The following PPARD variants were observed in gnomAD, a reference collection of about 807,000 sequenced individuals.
PPARD encodes the protein peroxisome proliferator activated receptor delta.
Under a neutral mutation model 39.5 loss-of-function variants are expected in PPARD, and 6 were observed. The ratio of observed to expected loss-of-function variants is 0.15; its 90% CI spans 0.08 to 0.30. PPARD has a LOEUF of 0.30. Among genes scored for constraint, PPARD ranks in the 10% least tolerant of loss-of-function variants. The probability of loss-of-function intolerance (pLI) is 1.00; values close to 1 mark genes in which losing one functional copy is unlikely to be tolerated. For synonymous variants in PPARD, 210 were observed against 231.3 expected (o/e 0.91, Z 0.83); for missense variants, 397 against 596.8 (o/e 0.67, Z 3.49).
At chr6:35,411,335 C>A in intron 3 of PPARD, 118 bp downstream of exon 3, 1 of 1,255,456 alleles carries the variant, frequency 8.0e-7, no homozygotes, top group Non-Finnish European at 1.0e-6. Flanking sequence ...TGCTGAAGGA[C>A]TGGAGCCGGA....
At chr6:35,394,889 A>G (rs1764226217) in intron 2 of PPARD, among the ~76,000 whole-genome samples, 1 of 151,988 alleles carries the variant, frequency 6.6e-6, no homozygotes, top group Non-Finnish European at 1.5e-5. Context: ...TTGCTCCCTC[A>G]TCTCAGCATT....
At position 35,369,827 on chromosome 6, in the gene PPARD, G is replaced by A. The variant is rs567514638; in HGVS notation, c.-102+22677G>A. Among the ~76,000 whole-genome samples the A allele has an allele frequency of 4.6e-5, 7 of 152,238 alleles. No individual in the cohort carries two copies. The East Asian group carries it at 1.4e-3, about 29-fold the overall frequency. On this transcript the variant is annotated intron_variant, in intron 2 of 7. Coordinates refer to ENST00000360694, the MANE Select transcript of PPARD (RefSeq NM_006238.5). ...TATTTTGTTGATTTATTGGTTAATT[G>A]TCCGAATCTGTGACTAGAACAAAAG...
chr6:35,407,799 TA>T (rs201207213), intron 2 of PPARD, among the ~76,000 whole-genome samples: 10,431 of 143,394 alleles, frequency 0.073, 704 homozygotes, highest in African/African-American at 0.17. Flanking sequence ...TTCACACAAT[TA>T]AAAAAAAAAA....
intron 2 of PPARD, among the ~76,000 whole-genome samples, chr6:35,347,520 A>G (rs999775619): frequency 7.9e-5 from 12 of 152,112 alleles, no homozygotes; most frequent in Non-Finnish European, 5.9e-5. Context: ...GTCTTTGCCT[A>G]TATGGGTACC....
chr6:35,377,373 G>A (rs542798287), intron 2 of PPARD, among the ~76,000 whole-genome samples: 6 of 152,184 alleles, frequency 3.9e-5, no homozygotes, highest in South Asian at 4.1e-4. Context: ...ATTTAGTCCC[G>A]TATCCTACTG....
At chr6:35,422,660 T>C (rs1390675435) in intron 5 of PPARD, among the ~76,000 whole-genome samples, 1 of 152,136 alleles carries the variant, frequency 6.6e-6, no homozygotes, top group Non-Finnish European at 1.5e-5. Flanking sequence ...GCCTTGCATC[T>C]TAGAGGGTAG....
chr6:35,397,521 C>T (rs1764418509), intron 2 of PPARD: 7 of 985,184 alleles, frequency 7.1e-6, no homozygotes, highest in Non-Finnish European at 7.2e-6. Context: ...CTGGAGTGGT[C>T]TGGAAAGCAG....
chr6:35,373,740 TCA>T (rs1370956754), intron 2 of PPARD, among the ~76,000 whole-genome samples: 1 of 151,880 alleles, frequency 6.6e-6, no homozygotes, highest in African/African-American at 2.4e-5. Context: ...CAATCTCAGC[TCA>T]CAGCAGCCCT....
rs564845420 is a variant in PPARD, at chr6:35,352,420, ATGATCT to A, written c.-102+5271_-102+5276del. On this transcript the variant is annotated intron_variant, in intron 2 of 7. Coordinates refer to ENST00000360694, the MANE Select transcript of PPARD (RefSeq NM_006238.5). ...AGGCCGGTCTCGAACTCCTGACCTC[ATGATCT>A]GCCCACCTCAGCCTCCCAGAGTGCT... Among the ~76,000 whole-genome samples the A allele has an allele frequency of 6.7e-4, 102 of 151,632 alleles. 1 individual carries two copies. Among genetic ancestry groups the A allele is most frequent in the Admixed American group, 4.9e-3 (75 of 15,226 alleles).
intron 2 of PPARD, among the ~76,000 whole-genome samples, chr6:35,408,753 A>G (rs1369731463): frequency 6.6e-6 from 1 of 152,200 alleles, no homozygotes; most frequent in African/African-American, 2.4e-5. Context: ...AAAATTTTTA[A>G]AGGTTTTTTC....
At chr6:35,423,808 C>T in intron 5 of PPARD, 138 bp from the exon 6 acceptor site, 1 of 731,602 alleles carries the variant, frequency 1.4e-6, no homozygotes, top group South Asian at 1.9e-5. Flanking sequence ...CCCCATCATT[C>T]CTACCTTGCT....
intron 2 of PPARD, among the ~76,000 whole-genome samples, chr6:35,378,582 G>A (rs1762951874): frequency 6.6e-6 from 1 of 152,156 alleles, no homozygotes; most frequent in South Asian, 2.1e-4. Context: ...TGAGTGCCAG[G>A]TGGAGGAATA....
At chr6:35,352,303 C>T (rs1208874191) in intron 2 of PPARD, among the ~76,000 whole-genome samples, 1 of 152,168 alleles carries the variant, frequency 6.6e-6, no homozygotes, top group Non-Finnish European at 1.5e-5. Context: ...TCTGCCTCAG[C>T]CTCCCAAGTA....
intron 2 of PPARD, 30 bp from the exon 3 acceptor site, chr6:35,410,957 T>C: frequency 7.9e-7 from 1 of 1,263,006 alleles, no homozygotes; most frequent in Non-Finnish European, 1.0e-6. Flanking sequence ...CTGCCTCCCC[T>C]GACCTCTTCC....
In PPARD at chr6:35,347,065, A is replaced by G; in HGVS notation, c.-185-2A>G. On this transcript the variant is annotated splice_acceptor_variant, in intron 1 of 7. Transcript: ENST00000360694. LOFTEE classifies it low-confidence loss of function (5UTR_SPLICE). The stretch of plus-strand genomic sequence containing the variant: ...GCTGTTGGGGTTTTTTCTATCCTGC[A>G]GTGTTGTACAGTGTTTTGGGCATGC... 6.6e-7 allele frequency: 1 copy of G among 1,524,762 alleles called. No individual in the cohort carries two copies. Among genetic ancestry groups the G allele is most frequent in the Middle Eastern group, 1.7e-4 (1 of 5,966 alleles). The allele number at this position is 1,524,762 out of a possible 1,614,324, so 94.5% of individuals were successfully genotyped here.
At chr6:35,351,465 C>T (rs1406766815) in intron 2 of PPARD, among the ~76,000 whole-genome samples, 6 of 152,214 alleles carry the variant, frequency 3.9e-5, no homozygotes, top group African/African-American at 7.2e-5. Flanking sequence ...GGGAAGCTGT[C>T]GGGCTCACAG....
chr6:35,372,048 A>G (rs1162567941), intron 2 of PPARD, among the ~76,000 whole-genome samples: 1 of 152,212 alleles, frequency 6.6e-6, no homozygotes, highest in Non-Finnish European at 1.5e-5. Context: ...TTTATTAGCC[A>G]AGGGCCTTTG....
rs368222388 is a variant in PPARD, at chr6:35,374,046, G to T, written c.-102+26896G>T. Among the ~76,000 whole-genome samples, 60 of 152,270 alleles carry T rather than the reference G, an allele frequency of 3.9e-4. 1 individual carries two copies. The highest frequency in any genetic ancestry group is 1.4e-3 in the African/African-American group (58 of 41,554). ...AATTGAACCTTGGGATTCAGCCAGT[G>T]AAAGTGGTCCACCTGGCAGTAGTGA... On this transcript the variant is annotated intron_variant, in intron 2 of 7. Transcript: ENST00000360694.
intron 1 of PPARD, among the ~76,000 whole-genome samples, chr6:35,346,524 G>A (rs1024672089): frequency 6.6e-6 from 1 of 152,192 alleles, no homozygotes; most frequent in Non-Finnish European, 1.5e-5. Context: ...TCTGCCGTTG[G>A]AGCCAGGGTG....
Sources: allele counts gnomAD v4.1 joint callset (sites outside exome capture counted in the v4.1 genomes callset), GRCh38; gene constraint gnomAD v4.1.1; transcripts MANE v1.5; gene names NCBI Gene and HGNC (gene_info 2026-07-23, HGNC 2026-07-21).